Variants in PDPK1 observed in about 807,000 individuals in gnomAD.
The protein encoded by PDPK1 is 3-phosphoinositide-dependent protein kinase 1.
In PDPK1, 7 loss-of-function variants were observed where a neutral mutation model predicts 39.8. The ratio of observed to expected loss-of-function variants is 0.18; its 90% confidence interval spans 0.10 to 0.33. PDPK1 has a LOEUF of 0.33. PDPK1 is among the 10% of genes least tolerant of loss of function. PDPK1 has a pLI of 1.00. For missense variants in PDPK1, 182 were observed against 384.7 expected (o/e 0.47, Z 4.41); for synonymous variants, 118 against 159.1 (o/e 0.74, Z 1.95).
chr16:2,585,251 C>T (rs1198924862), intron 10 of PDPK1, among the ~76,000 whole-genome samples: 1 of 152,232 alleles, frequency 6.6e-6, no homozygotes, highest in Non-Finnish European at 1.5e-5. Context: ...AGCCAGGCTC[C>T]ATTTGTTGGC....
chr16:2,542,310 C>T (rs1192567722), intron 1 of PDPK1, among the ~76,000 whole-genome samples: 1 of 152,120 alleles, frequency 6.6e-6, no homozygotes, highest in Non-Finnish European at 1.5e-5. Flanking sequence ...CAGGTGCGCA[C>T]CACCTACATT....
intron 1 of PDPK1, among the ~76,000 whole-genome samples, chr16:2,541,538 G>A (rs1659407688): frequency 6.6e-6 from 1 of 152,204 alleles, no homozygotes; most frequent in African/African-American, 2.4e-5. Context: ...GGCAGGTTGT[G>A]GCTGCAGAGA....
At chr16:2,538,766 T>G in intron 1 of PDPK1, 1 of 1,284,082 alleles carries the variant, frequency 7.8e-7, no homozygotes, top group Non-Finnish European at 1.0e-6. Flanking sequence ...AAAGTGAGCT[T>G]GACAGGTAGG....
intron 6 of PDPK1, chr16:2,576,741 C>G (rs2066717143): frequency 6.2e-6 from 1 of 162,544 alleles, no homozygotes; most frequent in Non-Finnish European, 1.3e-5. Flanking sequence ...AGCAGTGGGA[C>G]TGCAGGGGTG....
Position 2,593,429 on chromosome 16 carries a change from GGCTCCCACA to G in PDPK1, c.1344-2359_1344-2351del, listed in dbSNP as rs2067033416. On this transcript the variant is annotated intron_variant, in intron 11 of 13. Transcript: ENST00000342085. The surrounding 1 kb of genome is among the most constrained non-coding windows in gnomAD (Gnocchi z 4.2). ...GGAGGTGGTTTCGTCCTCTTTCCGT[GGCTCCCACA>G]GCTCAGTGCTGGGCTGCTGTTCTCG... The G allele has an allele frequency of 6.3e-6, 2 of 319,886 alleles. No individual in the cohort carries two copies. Among genetic ancestry groups the G allele is most frequent in the Non-Finnish European group, 1.2e-5 (2 of 166,326 alleles). 19.8% of individuals were successfully genotyped at this position (319,886 alleles called of 1,614,324 possible).
intron 2 of PDPK1, among the ~76,000 whole-genome samples, chr16:2,559,867 G>A (rs2066571916): frequency 6.6e-6 from 1 of 151,594 alleles, no homozygotes; most frequent in Non-Finnish European, 1.5e-5. Context: ...CCAGGGAGGT[G>A]CCCGGGAGAG....
Position 2,602,207 on chromosome 16 carries a change from G to T in PDPK1, c.*4440G>T, listed in dbSNP as rs2067230996. 1 of 228,408 alleles carries T rather than the reference G, an allele frequency of 4.4e-6. No individual in the cohort carries two copies. Among genetic ancestry groups the T allele is most frequent in the South Asian group, 1.8e-4 (1 of 5,530 alleles). The allele number at this position is 228,408 out of a possible 1,614,324, so 14.1% of individuals were successfully genotyped here. On this transcript the variant is annotated 3_prime_UTR_variant, in exon 14 of 14. Coordinates refer to ENST00000342085, the MANE Select transcript of PDPK1 (RefSeq NM_002613.5). ...ATGAGCCTATGTTGACTCACTGGGT[G>T]GGGGTCCCTTCTTACGCAGCACACG...
intron 1 of PDPK1, among the ~76,000 whole-genome samples, chr16:2,543,629 T>C (rs1277170288): frequency 1.3e-5 from 2 of 151,612 alleles, no homozygotes; most frequent in Admixed American, 6.6e-5. Flanking sequence ...TCTTGTCTTC[T>C]TCAGGCTTTT....
At chr16:2,539,075 C>G (rs2066193790) in intron 1 of PDPK1, 7 of 165,876 alleles carry the variant, frequency 4.2e-5, no homozygotes, top group South Asian at 1.8e-4. Context: ...TTCCAGGATG[C>G]GGCTTTTTTT....
Position 2,545,979 on chromosome 16 carries a change from A to G in PDPK1, c.24+7843A>G, listed in dbSNP as rs1233721043. Among the ~76,000 whole-genome samples the G allele has an allele frequency of 2.6e-5, 4 of 152,148 alleles. No homozygotes were observed. In the South Asian group the frequency reaches 6.2e-4, roughly 24 times the overall value. On this transcript the variant is annotated intron_variant, in intron 1 of 13. Coordinates refer to ENST00000342085, the MANE Select transcript of PDPK1 (RefSeq NM_002613.5). ...TGAGGGTAGTTGTCTCGTATTTTAT[A>G]TAAATACAGGATTCACAATCTGGAT...
At chr16:2,596,442 T>C (rs111403689) in intron 12 of PDPK1, among the ~76,000 whole-genome samples, 2,970 of 152,192 alleles carry the variant, frequency 0.02, 98 homozygotes, top group African/African-American at 0.067. Flanking sequence ...GATCCACCCG[T>C]CTCAGCCTTC....
Position 2,593,240 on chromosome 16 carries a change from C to G in PDPK1, c.1344-2553C>G, listed in dbSNP as rs538684100. On this transcript the variant is annotated intron_variant, in intron 11 of 13. Coordinates refer to ENST00000342085, the MANE Select transcript of PDPK1 (RefSeq NM_002613.5). This position sits in a 1 kb window ranked among gnomAD's most constrained non-coding sequence, Gnocchi z 4.2. The stretch of plus-strand genomic sequence containing the variant: ...GAGAGTTTCTTGTGTCACTGAATTC[C>G]TCTTCTGGGAATTTTTAGTTTGTGT... The G allele has an allele frequency of 2.1e-4, 76 of 367,202 alleles. No individual in the cohort carries two copies. Among genetic ancestry groups the G allele is most frequent in the South Asian group, 1.5e-3 (74 of 49,238 alleles). 22.7% of individuals were successfully genotyped at this position (367,202 alleles called of 1,614,324 possible).
At chr16:2,538,793 G>A in intron 1 of PDPK1, 1 of 1,270,392 alleles carries the variant, frequency 7.9e-7, no homozygotes, top group Non-Finnish European at 1.0e-6. Context: ...TTTAGGGGAA[G>A]GACCAAAACA....
chr16:2,601,602 A>G lies in PDPK1; in HGVS notation c.*3835A>G, dbSNP rs1402914840. 3 of 234,132 alleles carry G rather than the reference A, an allele frequency of 1.3e-5. No individual in the cohort carries two copies. Among genetic ancestry groups the G allele is most frequent in the Non-Finnish European group, 2.5e-5 (3 of 117,720 alleles). 14.5% of individuals were successfully genotyped at this position (234,132 alleles called of 1,614,324 possible). A position where few individuals can be genotyped will look rare whatever the true frequency, so the allele number is the denominator to read the frequency against. ...TTAAGTTTATAGACTCAGAAGGTAT[A>G]TTAGGACATTTGGAATCAGTAGCAG... On this transcript the variant is annotated 3_prime_UTR_variant, in exon 14 of 14. Coordinates refer to ENST00000342085, the MANE Select transcript of PDPK1 (RefSeq NM_002613.5).
At chr16:2,544,304 C>T (rs1303296579) in intron 1 of PDPK1, among the ~76,000 whole-genome samples, 1 of 152,086 alleles carries the variant, frequency 6.6e-6, no homozygotes, top group Non-Finnish European at 1.5e-5. Flanking sequence ...AGGGAGGTTC[C>T]CACAGAAATA....
intron 11 of PDPK1, among the ~76,000 whole-genome samples, chr16:2,589,122 A>AT (rs2066936611): frequency 1.3e-5 from 2 of 151,998 alleles, no homozygotes; most frequent in African/African-American, 4.8e-5. Flanking sequence ...CGTCCAGCTA[A>AT]TTTTTGTATT....
At chr16:2,588,637 A>G (rs561883449) in intron 11 of PDPK1, among the ~76,000 whole-genome samples, 2 of 152,116 alleles carry the variant, frequency 1.3e-5, no homozygotes, top group South Asian at 2.1e-4. Flanking sequence ...CTTTGTCTTC[A>G]GGTTTCTCTT....
At chr16:2,538,592 C>T in intron 1 of PDPK1, 2 of 1,287,668 alleles carry the variant, frequency 1.6e-6, no homozygotes, top group Non-Finnish European at 2.0e-6. Flanking sequence ...CTGAAAGCAC[C>T]TGATGCTCCT....
rs2067241773 is a variant in PDPK1 at position 2,602,678 on chromosome 16, A to T, written c.*4911A>T. ...TAGCTGTTCCTTCACAACATAAAATAGGATAAATGACTAGTACGTCTTTCA... is the reference window on the plus strand; with the variant it reads ...TAGCTGTTCCTTCACAACATAAAATTGGATAAATGACTAGTACGTCTTTCA... On this transcript the variant is annotated 3_prime_UTR_variant, in exon 14 of 14. Transcript: ENST00000342085. The T allele has an allele frequency of 4.3e-6, 1 of 234,760 alleles. No individual in the cohort carries two copies. The highest frequency in any genetic ancestry group is 1.8e-4 in the South Asian group (1 of 5,538). 14.5% of individuals were successfully genotyped at this position (234,760 alleles called of 1,614,324 possible).
Sources: allele counts gnomAD v4.1 joint callset (sites outside exome capture counted in the v4.1 genomes callset), GRCh38; gene constraint gnomAD v4.1.1; non-coding constraint Gnocchi (gnomAD v3.1); transcripts MANE v1.5; gene names NCBI Gene and HGNC (gene_info 2026-07-23, HGNC 2026-07-21).